The following AIFM3 variants were observed in gnomAD, a reference collection of about 807,000 sequenced individuals.
AIFM3 encodes AIF family member 3, also known as apoptosis-inducing factor 3.
A neutral mutation model predicts 82.7 loss-of-function variants in AIFM3; 71 were observed. The ratio of observed to expected loss-of-function variants is 0.86; its 90% CI spans 0.71 to 1.05. AIFM3 has a LOEUF of 1.05. Ranked by LOEUF, AIFM3 falls within the 50% of genes least tolerant of loss-of-function variation. The probability of loss-of-function intolerance (pLI) is 0.00; values close to 1 mark genes in which losing one functional copy is unlikely to be tolerated. For synonymous variants in AIFM3, 337 were observed against 329.1 expected, an observed-to-expected ratio of 1.02 and a Z score of -0.26; for missense variants, 748 against 816.7, an observed-to-expected ratio of 0.92 and a Z score of 1.03.
intron 1 of AIFM3, 77 bp from the exon 2 acceptor site, chr22:20,967,728 C>G: frequency 1.7e-6 from 1 of 594,784 alleles, no homozygotes. Flanking sequence ...TCCGAAGCTC[C>G]CACTGTCTCT....
At chr22:20,967,111 T>TC, upstream of AIFM3, 1 of 152,440 alleles carries the variant, frequency 6.6e-6, no homozygotes, top group Non-Finnish European at 1.5e-5. Flanking sequence ...GAGCAGGGTT[T>TC]CCCTGGGGAC....
intron 2 of AIFM3, 72 bp downstream of exon 2, chr22:20,968,047 C>T (rs922452720): frequency 1.4e-6 from 2 of 1,467,564 alleles, no homozygotes; most frequent in South Asian, 1.3e-5. Context: ...TCCCCCCCCT[C>T]CCCCTCTGCA....
chr22:20,978,234 C>T (rs150163970), intron 16 of AIFM3, among the ~76,000 whole-genome samples: 35 of 151,666 alleles, frequency 2.3e-4, no homozygotes, highest in Non-Finnish European at 4.6e-4. Flanking sequence ...CTGGTAGTCT[C>T]TCCCTTTTTT....
At position 20,976,642 on chromosome 22, in the gene AIFM3, C is replaced by A; in HGVS notation, c.1031-9C>A. On this transcript the variant is annotated splice_polypyrimidine_tract_variant and intron_variant, in intron 11 of 20. Coordinates refer to ENST00000440238, the MANE Select transcript of AIFM3 (RefSeq NM_001386814.1). ...AGGTGCCAGCCTGCCACCCCCTGCC[C>A]ATCACCAGGGATGGAGGTGGCCGCT... 1 of 1,611,094 alleles carries A rather than the reference C, an allele frequency of 6.2e-7. No homozygotes were observed. The highest frequency in any genetic ancestry group is 1.7e-5 in the Admixed American group (1 of 59,552).
At chr22:20,977,859 C>A (rs775730730) in intron 15 of AIFM3, 29 bp from the exon 16 acceptor site, 1 of 1,613,884 alleles carries the variant, frequency 6.2e-7, no homozygotes, top group Non-Finnish European at 8.5e-7. Context: ...CCTGTCACAC[C>A]CATGGAGCTC....
rs1923599135 is a variant in AIFM3, at chr22:20,975,716, C to T, written c.745C>T (p.Leu249=). The change falls in exon 9 of 21, where the codon CTG becomes TTG. Residue 249 remains leucine (L), a synonymous_variant. Coordinates refer to ENST00000440238, the MANE Select transcript of AIFM3 (RefSeq NM_001386814.1). ...GTCCCTGGACACACAGCCTGAGCAG[C>T]TGGCCCTGAGGCCCAAGGAGTTTTT... ...SKSLDTQPEQ[L]ALRPKEFFRA... 3 of 1,613,686 alleles carry T rather than the reference C, an allele frequency of 1.9e-6. No homozygotes were observed. Among genetic ancestry groups the T allele is most frequent in the African/African-American group, 2.7e-5 (2 of 74,952 alleles).
At chr22:20,975,869 A>G (rs895757370) in intron 9 of AIFM3, 91 bp downstream of exon 9, 1 of 1,429,480 alleles carries the variant, frequency 7.0e-7, no homozygotes, top group African/African-American at 1.4e-5. Flanking sequence ...TTGGTGCTCT[A>G]CCTTCCTGGC....
intron 2 of AIFM3, among the ~76,000 whole-genome samples, chr22:20,968,317 C>G (rs1923051147): frequency 6.6e-6 from 1 of 152,170 alleles, no homozygotes; most frequent in Non-Finnish European, 1.5e-5. Flanking sequence ...AAGGGGGGAG[C>G]TGGGGACACG....
intron 2 of AIFM3, among the ~76,000 whole-genome samples, chr22:20,971,046 C>T (rs1923234780): frequency 6.6e-6 from 1 of 152,178 alleles, no homozygotes; most frequent in African/African-American, 2.4e-5. Flanking sequence ...TCCAAAGGGC[C>T]CCTGACTTAA....
intron 19 of AIFM3, 31 bp from the exon 20 acceptor site, chr22:20,980,716 C>T: frequency 6.2e-7 from 1 of 1,614,188 alleles, no homozygotes; most frequent in East Asian, 2.2e-5. Flanking sequence ...CCTTGGCCTT[C>T]TCTCCGTTTC....
intron 14 of AIFM3, 83 bp downstream of exon 14, chr22:20,977,178 C>T (rs1923741681): frequency 6.4e-7 from 1 of 1,568,170 alleles, no homozygotes; most frequent in African/African-American, 1.4e-5. Context: ...TAGTCCCTTC[C>T]CCTCCCAGAG....
At chr22:20,973,671 G>A in intron 3 of AIFM3, 87 bp from the exon 4 acceptor site, 1 of 1,412,740 alleles carries the variant, frequency 7.1e-7, no homozygotes, top group Non-Finnish European at 9.6e-7. Context: ...GTCTGGGCCT[G>A]CTCCCCAGAA....
intron 9 of AIFM3, 50 bp from the exon 10 acceptor site, chr22:20,976,165 G>C: frequency 7.1e-7 from 1 of 1,405,102 alleles, no homozygotes; most frequent in African/African-American, 1.5e-5. Flanking sequence ...AGTGGGCGGC[G>C]AGGCCCAGCC....
intron 2 of AIFM3, among the ~76,000 whole-genome samples, chr22:20,972,938 TGG>T (rs898010242): frequency 4.0e-5 from 6 of 151,500 alleles, no homozygotes; most frequent in Admixed American, 4.0e-4. Flanking sequence ...TCCCAGCTAC[TGG>T]GGAGGCTGAG....
At chr22:20,965,841 C>G (rs1000769328), upstream of AIFM3, among the ~76,000 whole-genome samples, 6 of 152,056 alleles carry the variant, frequency 3.9e-5, no homozygotes, top group African/African-American at 1.4e-4. Flanking sequence ...GTAATCCAGT[C>G]CCGCCTCACA....
Position 20,979,720 on chromosome 22 carries a change from CA to C in AIFM3, c.1652+19del. The C allele has an allele frequency of 6.2e-7, 1 of 1,613,956 alleles. No homozygotes were observed. Among genetic ancestry groups the C allele is most frequent in the Non-Finnish European group, 8.5e-7 (1 of 1,179,818 alleles). On this transcript the variant is annotated intron_variant, in intron 18 of 20. Coordinates refer to ENST00000440238, the MANE Select transcript of AIFM3 (RefSeq NM_001386814.1). Reference sequence around the variant, plus strand: ...TACACTAAGTGAGAGCACCGGGGTGCAGCTTGGCGCGAAGCAGCGGGAGCTC... The same window carrying C: ...TACACTAAGTGAGAGCACCGGGGTGCGCTTGGCGCGAAGCAGCGGGAGCTC...
intron 2 of AIFM3, among the ~76,000 whole-genome samples, chr22:20,971,876 G>C (rs543981566): frequency 6.6e-6 from 1 of 151,986 alleles, no homozygotes; most frequent in Non-Finnish European, 1.5e-5. Context: ...ATGTGCAAAA[G>C]TATAAAGAAG....
At position 20,981,160 on chromosome 22, in the gene AIFM3, T is replaced by G; in HGVS notation, c.*129T>G. 7.5e-7 allele frequency: 1 copy of G among 1,328,448 alleles called. No homozygotes were observed. Among genetic ancestry groups the G allele is most frequent in the East Asian group, 2.5e-5 (1 of 39,560 alleles). 82.3% of individuals were successfully genotyped at this position (1,328,448 alleles called of 1,614,324 possible). On this transcript the variant is annotated 3_prime_UTR_variant, in exon 21 of 21. Coordinates refer to ENST00000440238, the MANE Select transcript of AIFM3 (RefSeq NM_001386814.1). ...ACCTGAGCCCTCCCAGTGCTTGCCTTCAGCCACCTGGCTCCCCTCCTGGGA... is the reference window on the plus strand; with the variant it reads ...ACCTGAGCCCTCCCAGTGCTTGCCTGCAGCCACCTGGCTCCCCTCCTGGGA...
chr22:20,979,330 C>A lies in AIFM3; in HGVS notation c.1537C>A (p.Leu513Ile), dbSNP rs752829011. Residue 513 changes from leucine (L) to isoleucine (I), a missense_variant, in exon 17 of 21, where the codon CTC becomes ATC. Physicochemically the swap from Leu to Ile is conservative, Grantham distance 5 (BLOSUM62 2). Coordinates refer to ENST00000440238, the MANE Select transcript of AIFM3 (RefSeq NM_001386814.1). ...QEAEMSTVPY[L>I]WTAMFGKSLR... ...GGCGGAGATGAGCACTGTGCCCTAC[C>A]TCTGGACCGCCATGTTTGGCAAGAG... is the stretch of plus-strand genomic sequence containing the variant. The A allele has an allele frequency of 1.3e-6, 2 of 1,559,666 alleles. No homozygotes were observed. The highest frequency in any genetic ancestry group is 1.7e-6 in the Non-Finnish European group (2 of 1,151,566).
Sources: allele counts gnomAD v4.1 joint callset (sites outside exome capture counted in the v4.1 genomes callset), GRCh38; gene constraint gnomAD v4.1.1; transcripts MANE v1.5; gene names NCBI Gene and HGNC (gene_info 2026-07-23, HGNC 2026-07-21).